Variants in CDH10 observed in about 807,000 individuals in gnomAD.
CDH10 encodes the protein cadherin 10, also known as cadherin-10.
In CDH10, 30 loss-of-function variants were observed where a neutral mutation model predicts 73.1. That is an observed-to-expected ratio of 0.41 (90% CI 0.31 to 0.56). The LOEUF (loss-of-function observed/expected upper bound fraction) is 0.56, where lower values mean the gene tolerates loss of function less well. CDH10 is among the 20% of genes least tolerant of loss of function. The probability of loss-of-function intolerance (pLI) is 0.27; values close to 1 mark genes in which losing one functional copy is unlikely to be tolerated. For synonymous variants in CDH10, 345 were observed against 348.2 expected, an observed-to-expected ratio of 0.99 and a Z score of 0.10; for missense variants, 815 against 973.7, an observed-to-expected ratio of 0.84 and a Z score of 2.17.
At chr5:24,494,125 T>C (rs1742170916) in intron 9 of CDH10, among the ~76,000 whole-genome samples, 1 of 151,880 alleles carries the variant, frequency 6.6e-6, no homozygotes. Context: ...AAAAACATCA[T>C]TTAAAACTTT....
At chr5:24,523,608 T>A (rs891861231) in intron 5 of CDH10, among the ~76,000 whole-genome samples, 2 of 152,186 alleles carry the variant, frequency 1.3e-5, no homozygotes, top group African/African-American at 2.4e-5. Context: ...GTTTGACTTC[T>A]TTGTGATTGT....
At chr5:24,578,380 G>A in intron 2 of CDH10, 1 of 243,658 alleles carries the variant, frequency 4.1e-6, no homozygotes, top group South Asian at 5.7e-5. Context: ...TCTTCATCTA[G>A]CTGTAGATGA....
At chr5:24,620,823 A>G (rs1249793761) in intron 1 of CDH10, among the ~76,000 whole-genome samples, 1 of 152,160 alleles carries the variant, frequency 6.6e-6, no homozygotes, top group Admixed American at 6.5e-5. Flanking sequence ...TTGACAGAAG[A>G]GGCACAAACA....
At chr5:24,504,262 T>C (rs1742601292) in intron 8 of CDH10, among the ~76,000 whole-genome samples, 1 of 152,042 alleles carries the variant, frequency 6.6e-6, no homozygotes, top group South Asian at 2.1e-4. Flanking sequence ...AGAAGAAAAG[T>C]AACATTCTTA....
At chr5:24,579,150 C>A (rs1160590486) in intron 2 of CDH10, among the ~76,000 whole-genome samples, 2 of 151,666 alleles carry the variant, frequency 1.3e-5, no homozygotes, top group Admixed American at 1.3e-4. Context: ...AAAGAAGACA[C>A]TATGATTAAA....
At chr5:24,571,929 C>T (rs187096371) in intron 2 of CDH10, among the ~76,000 whole-genome samples, 5 of 151,736 alleles carry the variant, frequency 3.3e-5, no homozygotes, top group Middle Eastern at 3.4e-3. Flanking sequence ...CAGCACACCA[C>T]ACCATTGCTA....
chr5:24,550,266 C>T lies in CDH10; in HGVS notation c.232-12592G>A, dbSNP rs543162689. Among the ~76,000 whole-genome samples the T allele has an allele frequency of 2.9e-3, 443 of 152,206 alleles. 1 individual carries two copies. The Middle Eastern group carries it at 0.034, about 12-fold the overall frequency. On this transcript the variant is annotated intron_variant, in intron 2 of 11. Coordinates refer to ENST00000264463, the MANE Select transcript of CDH10 (RefSeq NM_006727.5). ...GTACAGTTTTGACATGCATATTTTT[C>T]AGTATAATTCTTCTTCAATACAAAG...
chr5:24,621,461 C>T (rs2112169272), intron 1 of CDH10, among the ~76,000 whole-genome samples: 1 of 152,294 alleles, frequency 6.6e-6, no homozygotes, highest in African/African-American at 2.4e-5. Context: ...AACCAGCAAA[C>T]TCACTGTCAG....
rs1043240563 is a variant in CDH10, at chr5:24,616,432, A to C, written c.-123-22819T>G. ...ACACTTGGGGGTCGGATTTAGGTTA[A>C]AAGGTAAAAAAAGGAATGAAGGCAT... On this transcript the variant is annotated intron_variant, in intron 1 of 11. Transcript: ENST00000264463. 7.9e-5 allele frequency among the ~76,000 whole-genome samples: 12 copies of C among 152,280 alleles called. No individual in the cohort carries two copies. In the East Asian group the frequency reaches 2.1e-3, roughly 27 times the overall value.
chr5:24,627,930 T>C (rs1747567059), intron 1 of CDH10, among the ~76,000 whole-genome samples: 1 of 152,016 alleles, frequency 6.6e-6, no homozygotes, highest in Non-Finnish European at 1.5e-5. Flanking sequence ...AATAAACTCA[T>C]GAAGTTGATA....
rs547019847 is a variant in CDH10 at position 24,621,966 on chromosome 5, G to C, written c.-124+22628C>G. Among the ~76,000 whole-genome samples, 33 of 152,124 alleles carry C rather than the reference G, an allele frequency of 2.2e-4. 1 individual carries two copies. The East Asian group carries it at 4.8e-3, about 22-fold the overall frequency. On this transcript the variant is annotated intron_variant, in intron 1 of 11. Coordinates refer to ENST00000264463, the MANE Select transcript of CDH10 (RefSeq NM_006727.5). ...GACTGGAGTGCTGTGAGTCCTGAGA[G>C]AACGAAAGAAGATGAGGTTAGAGAG...
At chr5:24,624,761 C>A (rs1747436079) in intron 1 of CDH10, among the ~76,000 whole-genome samples, 1 of 152,130 alleles carries the variant, frequency 6.6e-6, no homozygotes. Context: ...AGTCTGGAAT[C>A]CATATGCTGA....
chr5:24,619,452 C>A (rs1040127622), intron 1 of CDH10, among the ~76,000 whole-genome samples: 2 of 152,134 alleles, frequency 1.3e-5, no homozygotes, highest in African/African-American at 4.8e-5. Context: ...CTCGGCCTCA[C>A]AAAGTGCTGG....
chr5:24,581,771 A>G (rs1044605910), intron 2 of CDH10, among the ~76,000 whole-genome samples: 1 of 152,190 alleles, frequency 6.6e-6, no homozygotes, highest in Non-Finnish European at 1.5e-5. Flanking sequence ...TGTTTACTAA[A>G]TTCTAGAACA....
rs1748167790 is a variant in CDH10, at chr5:24,644,844, A to AG, written c.-375_-374insC. The stretch of plus-strand genomic sequence containing the variant: ...TGATTAAGGGGAAAGGAAAAAAAAA[A>AG]AAAAGGAAAGGGGGGAAAAAAGCTC... On this transcript the variant is annotated 5_prime_UTR_variant, in exon 1 of 12. It removes the in-frame stop codon of an upstream open reading frame in the 5' UTR. Transcript: ENST00000264463. The AG allele has an allele frequency of 6.6e-6, 1 of 151,522 alleles. No homozygotes were observed. The highest frequency in any genetic ancestry group is 1.5e-5 in the Non-Finnish European group (1 of 68,006). The allele number at this position is 151,522 out of a possible 1,614,324, so 9.4% of individuals were successfully genotyped here. A position where few individuals can be genotyped will look rare whatever the true frequency, so the allele number is the denominator to read the frequency against.
Position 24,511,409 on chromosome 5 carries a change from C to T in CDH10, c.920G>A (p.Arg307Gln), listed in dbSNP as rs753331850. 1.2e-5 allele frequency: 20 copies of T among 1,611,368 alleles called. No homozygotes were observed. The highest frequency in any genetic ancestry group is 3.3e-5 in the South Asian group (3 of 91,028). The change falls in exon 6 of 12, where the codon CGA becomes CAA. Residue 307 changes from arginine to glutamine, a missense_variant. Arg to Gln is a conservative substitution (Grantham distance 43, BLOSUM62 1). Around this residue, in one of 3 missense-constraint regions of CDH10, gnomAD observed 516 missense variants for 636.6 expected, o/e 0.81. Coordinates refer to ENST00000264463, the MANE Select transcript of CDH10 (RefSeq NM_006727.5). ...DTGKNAEVEY[R>Q]IIDGDGTDMF... Reference sequence around the variant, plus strand: ...ATCAGTACCGTCACCATCAATAATTCGGTATTCTACTTCAGCATTTTTCCC... The same window carrying T: ...ATCAGTACCGTCACCATCAATAATTTGGTATTCTACTTCAGCATTTTTCCC...
At chr5:24,557,156 T>C (rs1022624576) in intron 2 of CDH10, among the ~76,000 whole-genome samples, 1 of 150,648 alleles carries the variant, frequency 6.6e-6, no homozygotes, top group African/African-American at 2.4e-5. Context: ...GTATATTCTG[T>C]AACTTTAAAC....
chr5:24,567,519 C>T (rs1443950762), intron 2 of CDH10, among the ~76,000 whole-genome samples: 14 of 151,196 alleles, frequency 9.3e-5, no homozygotes, highest in Non-Finnish European at 8.8e-5. Context: ...TCAAAAAATA[C>T]GCTGAGAAAA....
Position 24,600,207 on chromosome 5 carries a change from C to T in CDH10, c.-123-6594G>A, listed in dbSNP as rs76234572. ...ATCCCAAAATATAGAATATAGAATC[C>T]GAAACATGTTATTAGTTGTGTAAAT... On this transcript the variant is annotated intron_variant, in intron 1 of 11. Transcript: ENST00000264463. Among the ~76,000 whole-genome samples, 292 of 152,064 alleles carry T rather than the reference C, an allele frequency of 1.9e-3. 6 individuals carry two copies. The East Asian group carries it at 0.038, about 20-fold the overall frequency.
Sources: allele counts gnomAD v4.1 joint callset (sites outside exome capture counted in the v4.1 genomes callset), GRCh38; gene constraint gnomAD v4.1.1; regional missense constraint gnomAD v4.1.1; transcripts MANE v1.5; gene names NCBI Gene and HGNC (gene_info 2026-07-23, HGNC 2026-07-21).